Variants in FBXO36 observed in about 807,000 individuals in gnomAD.
FBXO36 encodes F-box protein 36.
Under a neutral mutation model 17.0 loss-of-function variants are expected in FBXO36, and 18 were observed. The ratio of observed to expected loss-of-function variants is 1.06; its 90% CI spans 0.73 to 1.57. The LOEUF (loss-of-function observed/expected upper bound fraction) is 1.57, where lower values mean the gene tolerates loss of function less well. Among genes scored for constraint, FBXO36 ranks in the 40% most tolerant of loss-of-function variants. The pLI is 0.00. For synonymous variants in FBXO36, 83 were observed against 85.3 expected, an observed-to-expected ratio of 0.97 and a Z score of 0.15; for missense variants, 229 against 221.9, an observed-to-expected ratio of 1.03 and a Z score of -0.20.
At chr2:229,959,324 C>T (rs2077108877) in intron 1 of FBXO36, among the ~76,000 whole-genome samples, 1 of 152,128 alleles carries the variant, frequency 6.6e-6, no homozygotes, top group Non-Finnish European at 1.5e-5. Context: ...TGGCCTCCCT[C>T]ATTTTCTTTT....
chr2:229,965,383 C>A (rs2077146665), intron 1 of FBXO36, among the ~76,000 whole-genome samples: 1 of 147,924 alleles, frequency 6.8e-6, no homozygotes, highest in Admixed American at 6.8e-5. Context: ...TATTTATATT[C>A]TTTTATTATA....
intron 2 of FBXO36, among the ~76,000 whole-genome samples, chr2:229,984,355 A>T (rs1056555459): frequency 2.0e-5 from 3 of 151,730 alleles, no homozygotes; most frequent in African/African-American, 7.3e-5. Context: ...TCAAAAACAA[A>T]CAAAAAAAAT....
intron 1 of FBXO36, among the ~76,000 whole-genome samples, chr2:229,975,595 C>G (rs2077203438): frequency 2.6e-5 from 4 of 151,298 alleles, no homozygotes; most frequent in Admixed American, 2.6e-4. Flanking sequence ...CCACCTCAGC[C>G]TCACAAGTAG....
chr2:229,956,252 G>A (rs1306906059), intron 1 of FBXO36, among the ~76,000 whole-genome samples: 1 of 152,204 alleles, frequency 6.6e-6, no homozygotes, highest in African/African-American at 2.4e-5. Flanking sequence ...TTCTGCCGAG[G>A]CCTCTCTCCT....
At chr2:229,984,233 A>T (rs1196270707) in intron 2 of FBXO36, among the ~76,000 whole-genome samples, 7 of 151,458 alleles carry the variant, frequency 4.6e-5, no homozygotes, top group Non-Finnish European at 4.4e-5. Flanking sequence ...CTGTAGTCCC[A>T]GCTACTCAGG....
chr2:229,972,921 G>T (rs974750957), intron 1 of FBXO36, among the ~76,000 whole-genome samples: 8 of 151,870 alleles, frequency 5.3e-5, no homozygotes, highest in East Asian at 1.9e-4. Flanking sequence ...AATTAGCCAG[G>T]CGTGGTGGCG....
At chr2:229,990,390 C>T (rs984028389) in intron 2 of FBXO36, among the ~76,000 whole-genome samples, 1 of 151,610 alleles carries the variant, frequency 6.6e-6, no homozygotes, top group Non-Finnish European at 1.5e-5. Flanking sequence ...TTCTGTATAT[C>T]AGGTTATCAG....
At chr2:229,959,463 A>C (rs1016708251) in intron 1 of FBXO36, among the ~76,000 whole-genome samples, 1 of 152,208 alleles carries the variant, frequency 6.6e-6, no homozygotes, top group African/African-American at 2.4e-5. Flanking sequence ...GTAAACATCC[A>C]AGTTTTTATG....
intron 3 of FBXO36, among the ~76,000 whole-genome samples, chr2:229,999,487 G>GTA (rs759734236): frequency 6.3e-4 from 92 of 146,852 alleles, no homozygotes; most frequent in South Asian, 1.5e-3. Flanking sequence ...GTGTGTGTGT[G>GTA]TATATATATA....
chr2:229,923,308 C>G lies in FBXO36; in HGVS notation c.96+699C>G, dbSNP rs2076839255. 2 of 152,148 alleles carry G rather than the reference C, an allele frequency of 1.3e-5. 1 individual carries two copies. Among genetic ancestry groups the G allele is most frequent in the South Asian group, 4.1e-4 (2 of 4,828 alleles). 9.4% of individuals were successfully genotyped at this position (152,148 alleles called of 1,614,324 possible). A position where few individuals can be genotyped will look rare whatever the true frequency, so the allele number is the denominator to read the frequency against. On this transcript the variant is annotated intron_variant, in intron 1 of 3. Coordinates refer to ENST00000283946, the MANE Select transcript of FBXO36 (RefSeq NM_174899.5). ...AGTAACCATCGGCCTATTTTTATGC[C>G]TACTTTGGTTATTGAAGGTGGGCTT...
chr2:229,974,652 G>A (rs573907743), intron 1 of FBXO36, among the ~76,000 whole-genome samples: 5 of 152,116 alleles, frequency 3.3e-5, no homozygotes, highest in South Asian at 2.1e-4. Flanking sequence ...CATTTTTTCC[G>A]GAATCCCCCA....
intron 2 of FBXO36, among the ~76,000 whole-genome samples, chr2:229,984,345 T>C (rs2077256089): frequency 6.6e-6 from 1 of 151,268 alleles, no homozygotes; most frequent in African/African-American, 2.4e-5. Flanking sequence ...AGACTCTATC[T>C]CAAAAACAAA....
At chr2:229,963,399 C>T (rs972385842) in intron 1 of FBXO36, among the ~76,000 whole-genome samples, 3 of 150,066 alleles carry the variant, frequency 2.0e-5, no homozygotes, top group African/African-American at 7.4e-5. Flanking sequence ...GCCAGTAATA[C>T]CTCAATGAAG....
chr2:229,978,305 G>C (rs1469224399), intron 2 of FBXO36, among the ~76,000 whole-genome samples: 2 of 148,492 alleles, frequency 1.3e-5, no homozygotes, highest in African/African-American at 5.0e-5. Context: ...AATAATAGCT[G>C]GGCACGGTGG....
intron 1 of FBXO36, among the ~76,000 whole-genome samples, chr2:229,930,442 C>T (rs925302602): frequency 1.3e-5 from 2 of 152,106 alleles, no homozygotes; most frequent in African/African-American, 2.4e-5. Context: ...CCTTATTCTT[C>T]CCTCTTCCCT....
intron 1 of FBXO36, among the ~76,000 whole-genome samples, chr2:229,935,869 C>T (rs537254559): frequency 6.6e-6 from 1 of 152,298 alleles, no homozygotes; most frequent in African/African-American, 2.4e-5. Flanking sequence ...CCTCATGGAG[C>T]TTACAGCCTA....
At chr2:229,995,062 T>C (rs984955252) in intron 2 of FBXO36, among the ~76,000 whole-genome samples, 1 of 151,906 alleles carries the variant, frequency 6.6e-6, no homozygotes, top group Non-Finnish European at 1.5e-5. Context: ...TGCAGTGAGC[T>C]GAGATCGTGC....
chr2:229,939,321 C>T (rs201181888), intron 1 of FBXO36: 2 of 926,708 alleles, frequency 2.2e-6, no homozygotes, highest in Non-Finnish European at 2.6e-6. Flanking sequence ...ACATTTTTAT[C>T]GTGGTAAGGT....
intron 1 of FBXO36, among the ~76,000 whole-genome samples, chr2:229,965,988 C>A (rs1259097742): frequency 6.6e-6 from 1 of 152,294 alleles, no homozygotes; most frequent in Middle Eastern, 3.4e-3. Context: ...AGTTTACAGT[C>A]CCACCAACAG....
Sources: gnomAD v4.1 joint callset for allele counts (sites outside exome capture counted in the v4.1 genomes callset) on GRCh38, gnomAD v4.1.1 for gene constraint, MANE v1.5 for transcripts, NCBI Gene and HGNC (gene_info 2026-07-23, HGNC 2026-07-21) for gene names.